RYR1: variants seen among roughly 807,000 people sequenced by gnomAD.
The protein encoded by RYR1 is ryanodine receptor 1, also known as central core disease of muscle.
In RYR1, 342 loss-of-function variants were observed where a neutral mutation model predicts 583.5. The observed-to-expected ratio is 0.59, with a 90% CI of 0.54 to 0.64. The LOEUF (loss-of-function observed/expected upper bound fraction) is 0.64. RYR1 is among the 30% of genes least tolerant of loss of function. RYR1 has a pLI of 0.00. For synonymous variants in RYR1, 2,791 were observed against 2,822.5 expected, an observed-to-expected ratio of 0.99 and a Z score of 0.35; for missense variants, 6,032 against 6,917.2, an observed-to-expected ratio of 0.87 and a Z score of 4.54.
Position 38,433,740 on chromosome 19 carries a change from A to AACCC in RYR1, c.-90_-89insACCC. On this transcript the variant is annotated 5_prime_UTR_variant, in exon 1 of 106. Transcript: ENST00000359596. ...CCTCTGGTGTCTCCAGAGGTCTCCG[A>AACCC]CCCCAGCCCGCCCCCAGCCCTCCCG... is the stretch of plus-strand genomic sequence containing the variant. The AACCC allele has an allele frequency of 1.4e-6, 1 of 705,102 alleles. No homozygotes were observed. The allele number at this position is 705,102 out of a possible 1,614,324, so 43.7% of individuals were successfully genotyped here. A position where few individuals can be genotyped will look rare whatever the true frequency, so the allele number is the denominator to read the frequency against.
chr19:38,448,428 C>A lies in RYR1; in HGVS notation c.874C>A (p.Leu292Ile). The A allele has an allele frequency of 6.2e-7, 1 of 1,613,678 alleles. No individual in the cohort carries two copies. The highest frequency in any genetic ancestry group is 1.3e-5 in the African/African-American group (1 of 75,038). ...TGTCACTACCGGGCAGTACCTAGCG[C>A]TCACCGAGGACCAGGGCCTGGTGGT... ...RHVTTGQYLALTEDQGLVVVD... is the reference protein window; with the variant it reads ...RHVTTGQYLAITEDQGLVVVD... Residue 292 changes from leucine to isoleucine, a missense_variant, in exon 10 of 106, where the codon CTC (leucine) becomes ATC (isoleucine). Transcript: ENST00000359596.
intron 18 of RYR1, among the ~76,000 whole-genome samples, chr19:38,458,769 CAT>C (rs1967567870): frequency 6.6e-6 from 1 of 152,108 alleles, no homozygotes; most frequent in Non-Finnish European, 1.5e-5. Flanking sequence ...GGATTACAGG[CAT>C]GCACCACCAC....
At chr19:38,435,497 C>T (rs1972385753) in intron 1 of RYR1, among the ~76,000 whole-genome samples, 1 of 152,080 alleles carries the variant, frequency 6.6e-6, no homozygotes, top group Non-Finnish European at 1.5e-5. Context: ...TTTGGGAGGC[C>T]AAGGTGAGCG....
chr19:38,580,569 G>T, intron 101 of RYR1, 65 bp downstream of exon 101: 1 of 1,596,446 alleles, frequency 6.3e-7, no homozygotes, highest in East Asian at 2.2e-5. Flanking sequence ...GTTAATAATG[G>T]TACCTCCAGG....
At position 38,499,353 on chromosome 19, in the gene RYR1, TC is replaced by T; in HGVS notation, c.7027+113del. ...GCCACAGATGGGGTCCAGGCAGGAA[TC>T]CCTTCCAGCAGGCCTGGGGCTGGCA... On this transcript the variant is annotated intron_variant, in intron 43 of 105. Coordinates refer to ENST00000359596, the MANE Select transcript of RYR1 (RefSeq NM_000540.3). This position sits in a 1 kb window ranked among gnomAD's most constrained non-coding sequence, Gnocchi z 7.3. The T allele has an allele frequency of 6.4e-7, 1 of 1,553,290 alleles. No individual in the cohort carries two copies. Among genetic ancestry groups the T allele is most frequent in the Non-Finnish European group, 8.9e-7 (1 of 1,129,608 alleles).
intron 76 of RYR1, among the ~76,000 whole-genome samples, chr19:38,531,866 C>A (rs577568960): frequency 7.9e-5 from 12 of 152,294 alleles, no homozygotes; most frequent in Admixed American, 5.9e-4. Flanking sequence ...GATGGCACCA[C>A]TGCACTCCAG....
intron 49 of RYR1, 57 bp downstream of exon 49, chr19:38,503,027 T>C: frequency 6.4e-7 from 1 of 1,553,832 alleles, no homozygotes; most frequent in Non-Finnish European, 8.8e-7. Flanking sequence ...TGGTTTGCTC[T>C]TCCCTCCTAC....
intron 3 of RYR1, among the ~76,000 whole-genome samples, 162 bp from the exon 4 acceptor site, chr19:38,443,396 G>A (rs1428180855): frequency 6.6e-6 from 1 of 152,166 alleles, no homozygotes; most frequent in East Asian, 1.9e-4. Flanking sequence ...GGAAACTGAG[G>A]CAGAGAGTCC....
At chr19:38,476,291 C>G (rs571022261) in intron 29 of RYR1, among the ~76,000 whole-genome samples, 1 of 151,892 alleles carries the variant, frequency 6.6e-6, no homozygotes, top group African/African-American at 2.4e-5. Context: ...CTCTGCCTCC[C>G]GGGTTCAAGT....
chr19:38,490,866 G>A (rs896992596), intron 37 of RYR1, 134 bp downstream of exon 37: 15 of 710,162 alleles, frequency 2.1e-5, no homozygotes, highest in Non-Finnish European at 3.9e-5. Context: ...GAATGAATGA[G>A]TGAGTGAATG....
intron 90 of RYR1, among the ~76,000 whole-genome samples, chr19:38,562,081 C>T (rs1422097480): frequency 1.3e-5 from 2 of 151,734 alleles, no homozygotes; most frequent in African/African-American, 4.8e-5. Context: ...CTGAGGATGC[C>T]AATGAGCCCT....
Position 38,504,234 on chromosome 19 carries a change from C to G in RYR1, c.7941C>G (p.His2647Gln), listed in dbSNP as rs375067194. 9 of 1,613,562 alleles carry G rather than the reference C, an allele frequency of 5.6e-6. No individual in the cohort carries two copies. The highest frequency in any genetic ancestry group is 6.8e-6 in the Non-Finnish European group (8 of 1,179,868). ...TTCCCACCCAGCTCCTCACCAACCA[C>G]TATGAGCGCTGTTGGAAGTACTACT... is the stretch of plus-strand genomic sequence containing the variant. The part of the protein sequence containing the change: ...AKMPLKLLTN[H>Q]YERCWKYYCL... The change falls in exon 50 of 106, where the codon CAC becomes CAG. Residue 2647 changes from histidine to glutamine, a missense_variant. Physicochemically the swap from His to Gln is conservative, Grantham distance 24. This residue lies in a region of RYR1 where 1,493 missense variants were observed against 1,715.5 expected (regional missense o/e 0.87). Coordinates refer to ENST00000359596, the MANE Select transcript of RYR1 (RefSeq NM_000540.3).
At position 38,494,852 on chromosome 19, in the gene RYR1, C is replaced by CTT. The variant is rs780267024; in HGVS notation, c.6548+227_6548+228insTT. On this transcript the variant is annotated intron_variant, in intron 39 of 105. Coordinates refer to ENST00000359596, the MANE Select transcript of RYR1 (RefSeq NM_000540.3). Reference sequence around the variant, plus strand: ...CTCAGCAGGACATTCCCCACCCCCCCCTTTTTTTTTTTTTTTGTGAGACTG... The same window carrying CTT: ...CTCAGCAGGACATTCCCCACCCCCCCTTCTTTTTTTTTTTTTTTGTGAGACTG... 2.0e-3 allele frequency among the ~76,000 whole-genome samples: 279 copies of CTT among 142,186 alleles called. 13 individuals are homozygous for CTT. The highest frequency in any genetic ancestry group is 7.2e-3 in the African/African-American group (254 of 35,408). 93.3% of individuals were successfully genotyped at this position (142,186 alleles called of 152,430 possible).
At chr19:38,550,639 G>A (rs139659115) in intron 89 of RYR1, among the ~76,000 whole-genome samples, 9 of 152,056 alleles carry the variant, frequency 5.9e-5, no homozygotes, top group African/African-American at 2.2e-4. Flanking sequence ...GCCACCCAAA[G>A]TGCTGGGATT....
rs746082533 is a variant in RYR1, at chr19:38,532,503, G to C, written c.11155G>C (p.Asp3719His). The C allele has an allele frequency of 3.1e-6, 5 of 1,614,178 alleles. No homozygotes were observed. The highest frequency in any genetic ancestry group is 4.2e-6 in the Non-Finnish European group (5 of 1,180,034). The change falls in exon 77 of 106, where the codon GAT (aspartate) becomes CAT (histidine). Residue 3719 changes from aspartate (D) to histidine (H), a missense_variant. Physicochemically the swap from Asp to His is moderately conservative, Grantham distance 81. Coordinates refer to ENST00000359596, the MANE Select transcript of RYR1 (RefSeq NM_000540.3). The part of the protein sequence containing the change: ...ALTEKSKLDE[D>H]YLYMAYADIM... Reference sequence around the variant, plus strand: ...TTACTTCCCCAGCAAACTGGATGAGGATTACCTGTACATGGCCTATGCTGA... The same window carrying C: ...TTACTTCCCCAGCAAACTGGATGAGCATTACCTGTACATGGCCTATGCTGA...
At chr19:38,434,038 A>G (rs1177287093) in intron 1 of RYR1, among the ~76,000 whole-genome samples, 164 bp downstream of exon 1, 1 of 151,686 alleles carries the variant, frequency 6.6e-6, no homozygotes, top group Non-Finnish European at 1.5e-5. Context: ...AGTCTCCTTC[A>G]CCTTTCTCAC....
At chr19:38,467,012 G>C (rs1968148612) in intron 24 of RYR1, among the ~76,000 whole-genome samples, 1 of 152,072 alleles carries the variant, frequency 6.6e-6, no homozygotes, top group Admixed American at 6.6e-5. Context: ...CTTTGACTCT[G>C]ATTCCTGACC....
rs746198645 is a variant in RYR1, at chr19:38,466,377, G to A, written c.3157G>A (p.Glu1053Lys). 9.0e-6 allele frequency: 14 copies of A among 1,554,164 alleles called. No homozygotes were observed. Among genetic ancestry groups the A allele is most frequent in the Non-Finnish European group, 1.1e-5 (13 of 1,151,930 alleles). Residue 1053 changes from glutamate to lysine, a missense_variant, in exon 24 of 106, where the codon GAG becomes AAG. Physicochemically the swap from Glu to Lys is moderately conservative, Grantham distance 56 (BLOSUM62 1). This residue lies in a region of RYR1 where 2,627 missense variants were observed against 2,961.3 expected (regional missense o/e 0.89). Coordinates refer to ENST00000359596, the MANE Select transcript of RYR1 (RefSeq NM_000540.3). ...RTLLGYGYNI[E>K]PPDQEPSQVE... ...CCTCCTGGGCTACGGCTACAACATCGAGCCTCCTGACCAGGAGCCCAGTGA... is the reference window on the plus strand; with the variant it reads ...CCTCCTGGGCTACGGCTACAACATCAAGCCTCCTGACCAGGAGCCCAGTGA...
chr19:38,557,465 G>T (rs1972930237), intron 89 of RYR1, among the ~76,000 whole-genome samples: 1 of 152,218 alleles, frequency 6.6e-6, no homozygotes, highest in Admixed American at 6.5e-5. Flanking sequence ...CCGGCTGGTG[G>T]CGGAAGGCCT....
Sources: gnomAD v4.1 joint callset for allele counts (sites outside exome capture counted in the v4.1 genomes callset) on GRCh38, gnomAD v4.1.1 for gene constraint, gnomAD v4.1.1 regional missense constraint, Gnocchi (gnomAD v3.1) non-coding constraint, MANE v1.5 for transcripts, NCBI Gene and HGNC (gene_info 2026-07-23, HGNC 2026-07-21) for gene names.